Variants in RNF24 observed in about 807,000 individuals in gnomAD.
RNF24 encodes the protein ring finger protein 24.
In RNF24, 14 loss-of-function variants were observed where a neutral mutation model predicts 20.0. The ratio of observed to expected loss-of-function variants is 0.70; its 90% confidence interval spans 0.46 to 1.10. The LOEUF is 1.10. RNF24 is among the 50% of genes least tolerant of loss of function. The pLI is 0.00. For missense variants in RNF24, 124 were observed against 177.6 expected, an observed-to-expected ratio of 0.70 and a Z score of 1.71; for synonymous variants, 45 against 61.1, an observed-to-expected ratio of 0.74 and a Z score of 1.23.
At chr20:4,005,897 G>A (rs1981827127) in intron 1 of RNF24, among the ~76,000 whole-genome samples, 1 of 152,120 alleles carries the variant, frequency 6.6e-6, no homozygotes, top group Non-Finnish European at 1.5e-5. Flanking sequence ...TGAACTGAAT[G>A]CTCATTATTC....
chr20:3,949,580 A>T (rs1260639043), intron 2 of RNF24, among the ~76,000 whole-genome samples: 2 of 151,790 alleles, frequency 1.3e-5, no homozygotes, highest in Non-Finnish European at 2.9e-5. Flanking sequence ...GCTACTCGGG[A>T]GGCTGAGGTG....
chr20:3,959,014 C>A (rs916043905), intron 2 of RNF24, among the ~76,000 whole-genome samples: 1 of 152,112 alleles, frequency 6.6e-6, no homozygotes, highest in Non-Finnish European at 1.5e-5. Context: ...TCAATGTTTC[C>A]TTAGGATTCT....
At chr20:3,970,095 T>G (rs566432492) in intron 1 of RNF24, among the ~76,000 whole-genome samples, 90 of 152,010 alleles carry the variant, frequency 5.9e-4, no homozygotes, top group Non-Finnish European at 9.7e-4. Context: ...GTGACTATAC[T>G]CCTCCTCAAT....
rs186159577 is a variant in RNF24 at position 3,936,055 on chromosome 20, C to T, written c.229-982G>A. Among the ~76,000 whole-genome samples, 30 of 152,318 alleles carry T rather than the reference C, an allele frequency of 2.0e-4. No individual in the cohort carries two copies. The East Asian group carries it at 5.0e-3, about 25-fold the overall frequency. ...GTTACTAGTTTCTTAACCTATAACA[C>T]GTAACCCAGTCTTCTTAGATTATGT... On this transcript the variant is annotated intron_variant, in intron 4 of 5. Coordinates refer to ENST00000358395, the MANE Select transcript of RNF24 (RefSeq NM_001134337.3).
chr20:3,941,461 C>A (rs543375325), intron 4 of RNF24, among the ~76,000 whole-genome samples: 2 of 152,068 alleles, frequency 1.3e-5, no homozygotes, highest in African/African-American at 4.8e-5. Flanking sequence ...TTGGTAATCC[C>A]TAGAGCAACC....
At chr20:4,014,249 C>T (rs1982694981) in intron 1 of RNF24, among the ~76,000 whole-genome samples, 1 of 152,106 alleles carries the variant, frequency 6.6e-6, no homozygotes, top group Non-Finnish European at 1.5e-5. Context: ...AACCCTCTGC[C>T]AAAGCATTAA....
Position 3,933,307 on chromosome 20 carries a change from G to C in RNF24, c.*756C>G, listed in dbSNP as rs1174468244. 16 of 397,606 alleles carry C rather than the reference G, an allele frequency of 4.0e-5. No individual in the cohort carries two copies. Among genetic ancestry groups the C allele is most frequent in the Non-Finnish European group, 7.1e-5 (16 of 226,094 alleles). 24.6% of individuals were successfully genotyped at this position (397,606 alleles called of 1,614,324 possible). On this transcript the variant is annotated 3_prime_UTR_variant, in exon 6 of 6. Transcript: ENST00000358395. The stretch of plus-strand genomic sequence containing the variant: ...CACTGGAACCACAGTGCACATGTGG[G>C]GATGTGGGCAGCCTCCTGGATCACT...
intron 1 of RNF24, among the ~76,000 whole-genome samples, chr20:4,001,172 C>G (rs1048205105): frequency 6.6e-6 from 1 of 152,052 alleles, no homozygotes; most frequent in Non-Finnish European, 1.5e-5. Context: ...GAGTCTGAGG[C>G]AGGATAATTG....
intron 1 of RNF24, among the ~76,000 whole-genome samples, chr20:4,003,094 T>C (rs1981547854): frequency 6.6e-6 from 1 of 152,140 alleles, no homozygotes; most frequent in Admixed American, 6.5e-5. Context: ...CTCAGCCTTC[T>C]GAGTAGCTGG....
At chr20:3,977,339 A>G (rs60055546) in intron 1 of RNF24, among the ~76,000 whole-genome samples, 24,164 of 152,120 alleles carry the variant, frequency 0.16, 2,192 homozygotes, top group African/African-American at 0.25. Context: ...TTACAGAAGT[A>G]TAAGTCTAAA....
chr20:3,966,614 A>G (rs1367867865), intron 1 of RNF24, among the ~76,000 whole-genome samples: 1 of 152,126 alleles, frequency 6.6e-6, no homozygotes, highest in Non-Finnish European at 1.5e-5. Flanking sequence ...TGCCCCTTCC[A>G]CAGGGAGCTC....
At chr20:3,983,759 G>A (rs1300470964) in intron 1 of RNF24, among the ~76,000 whole-genome samples, 1 of 151,766 alleles carries the variant, frequency 6.6e-6, no homozygotes, top group Admixed American at 6.6e-5. Context: ...TAGCCAACAT[G>A]GTGAAACCCT....
In RNF24 at chr20:3,951,117, G is replaced by A. The variant is rs185440172; in HGVS notation, c.144-2838C>T. Among the ~76,000 whole-genome samples, 365 of 152,180 alleles carry A rather than the reference G, an allele frequency of 2.4e-3. 1 individual carries two copies. The highest frequency in any genetic ancestry group is 4.7e-3 in the Admixed American group (71 of 15,268). ...ACTACAGGCACCCACTAACATGCCC[G>A]GCTAATTTTTTTTGTATTTTTAGTA... is the stretch of plus-strand genomic sequence containing the variant. On this transcript the variant is annotated intron_variant, in intron 2 of 5. Transcript: ENST00000358395.
chr20:3,962,829 T>C (rs1281297462), intron 2 of RNF24, among the ~76,000 whole-genome samples: 1 of 151,330 alleles, frequency 6.6e-6, no homozygotes, highest in African/African-American at 2.4e-5. Context: ...TCCTGCCAAG[T>C]AGCTGGGATT....
intron 1 of RNF24, among the ~76,000 whole-genome samples, chr20:4,009,670 T>C (rs550466731): frequency 2.4e-4 from 36 of 152,152 alleles, no homozygotes; most frequent in Non-Finnish European, 4.9e-4. Flanking sequence ...GAAATAGTGA[T>C]AGGCAAAAAG....
At chr20:3,986,922 A>T (rs1309980219) in intron 1 of RNF24, among the ~76,000 whole-genome samples, 1 of 151,284 alleles carries the variant, frequency 6.6e-6, no homozygotes, top group Non-Finnish European at 1.5e-5. Flanking sequence ...TCTTTTTTTT[A>T]AAAGAGGCAG....
intron 1 of RNF24, among the ~76,000 whole-genome samples, chr20:3,992,990 A>G (rs183635183): frequency 1.3e-5 from 2 of 152,352 alleles, no homozygotes; most frequent in African/African-American, 2.4e-5. Flanking sequence ...ATTACATCCA[A>G]TGTAGCAATA....
At chr20:3,979,413 G>A (rs1404279680) in intron 1 of RNF24, among the ~76,000 whole-genome samples, 2 of 152,098 alleles carry the variant, frequency 1.3e-5, no homozygotes, top group Non-Finnish European at 2.9e-5. Context: ...GCTCACAGCT[G>A]TAATCTCAGC....
chr20:3,941,931 G>A (rs929442952), intron 4 of RNF24, among the ~76,000 whole-genome samples: 2 of 151,838 alleles, frequency 1.3e-5, no homozygotes, highest in Non-Finnish European at 2.9e-5. Context: ...AAAATTAGCT[G>A]GGCGTGGTGG....
Sources: gnomAD v4.1 joint callset for allele counts (sites outside exome capture counted in the v4.1 genomes callset) on GRCh38, gnomAD v4.1.1 for gene constraint, MANE v1.5 for transcripts, NCBI Gene and HGNC (gene_info 2026-07-23, HGNC 2026-07-21) for gene names.